RANBP17: variants seen among roughly 807,000 people sequenced by gnomAD.
RANBP17 encodes the protein ran-binding protein 17.
A neutral mutation model predicts 141.2 loss-of-function variants in RANBP17; 158 were observed. The observed-to-expected ratio is 1.12, with a 90% CI of 0.98 to 1.28. The LOEUF is 1.28. RANBP17 is among the 50% of genes most tolerant of loss of function. The pLI, the probability that RANBP17 is intolerant of heterozygous loss-of-function variation, is 0.00. For missense variants in RANBP17, 1,438 were observed against 1,290.7 expected (o/e 1.11, Z -1.75); for synonymous variants, 430 against 450.0 (o/e 0.96, Z 0.56).
chr5:170,996,527 A>C lies in RANBP17; in HGVS notation c.1710+28150A>C, dbSNP rs569513352. Among the ~76,000 whole-genome samples the C allele has an allele frequency of 1.3e-3, 199 of 152,288 alleles. No individual in the cohort carries two copies. The Middle Eastern group carries it at 0.027, about 21-fold the overall frequency. ...TGAAGAAAGTTTTCTGTTCTGGAGC[A>C]TTCTGATTTCATAGTTATGCCAAAA... On this transcript the variant is annotated intron_variant, in intron 14 of 27. Coordinates refer to ENST00000523189, the MANE Select transcript of RANBP17 (RefSeq NM_022897.5).
chr5:170,905,277 A>C (rs139637569), intron 5 of RANBP17, among the ~76,000 whole-genome samples: 71 of 152,226 alleles, frequency 4.7e-4, no homozygotes, highest in African/African-American at 1.6e-3. Context: ...ATGTGGAGTA[A>C]TTTTATAATA....
At chr5:171,067,348 T>C (rs954602076) in intron 14 of RANBP17, among the ~76,000 whole-genome samples, 5 of 152,200 alleles carry the variant, frequency 3.3e-5, no homozygotes, top group Admixed American at 2.0e-4. Flanking sequence ...CATTGTGTTC[T>C]TGTTAACATA....
At chr5:171,004,296 G>A (rs1779427060) in intron 14 of RANBP17, among the ~76,000 whole-genome samples, 2 of 152,122 alleles carry the variant, frequency 1.3e-5, no homozygotes, top group South Asian at 4.1e-4. Flanking sequence ...GAAGAAGGGT[G>A]GCAATGAGAT....
At chr5:171,249,539 A>G (rs973751937) in intron 24 of RANBP17, among the ~76,000 whole-genome samples, 1 of 152,230 alleles carries the variant, frequency 6.6e-6, no homozygotes, top group African/African-American at 2.4e-5. Flanking sequence ...AATTCAGGAT[A>G]TGAATGGGAA....
chr5:171,008,782 A>G (rs1779832884), intron 14 of RANBP17, among the ~76,000 whole-genome samples: 2 of 152,168 alleles, frequency 1.3e-5, no homozygotes, highest in Admixed American at 6.5e-5. Context: ...GCTTCAGGCC[A>G]TCTGGATGTA....
chr5:170,931,694 TTA>T (rs1773402165), intron 12 of RANBP17, among the ~76,000 whole-genome samples: 1 of 152,184 alleles, frequency 6.6e-6, no homozygotes, highest in Non-Finnish European at 1.5e-5. Context: ...TTTTGTCAGG[TTA>T]TTCAAAGATC....
At chr5:170,894,698 C>A (rs934276224) in intron 4 of RANBP17, among the ~76,000 whole-genome samples, 1 of 151,758 alleles carries the variant, frequency 6.6e-6, no homozygotes, top group African/African-American at 2.4e-5. Context: ...TATTATGGCC[C>A]TCTTGCTGCC....
chr5:170,951,063 G>GGT (rs1469371228), intron 12 of RANBP17, among the ~76,000 whole-genome samples: 1 of 152,034 alleles, frequency 6.6e-6, no homozygotes, highest in African/African-American at 2.4e-5. Flanking sequence ...AGCTGAGAAT[G>GGT]GTGTGTGGGT....
Position 171,265,665 on chromosome 5 carries a change from T to C in RANBP17, c.2777-16T>C. On this transcript the variant is annotated splice_polypyrimidine_tract_variant and intron_variant, in intron 24 of 27. Transcript: ENST00000523189. The stretch of plus-strand genomic sequence containing the variant: ...CTTAAGTAATGCAAATGAATTCTTA[T>C]TTACTATTTGTACAGATACAGTTGT... 1 of 1,567,358 alleles carries C rather than the reference T, an allele frequency of 6.4e-7. No homozygotes were observed. Among genetic ancestry groups the C allele is most frequent in the Non-Finnish European group, 8.6e-7 (1 of 1,158,396 alleles).
intron 21 of RANBP17, among the ~76,000 whole-genome samples, chr5:171,217,418 G>A (rs1159406887): frequency 6.6e-6 from 1 of 152,168 alleles, no homozygotes; most frequent in Admixed American, 6.6e-5. Context: ...GATGATGGTG[G>A]CCTCATAAAA....
chr5:171,104,719 C>T (rs1263932870), intron 14 of RANBP17, among the ~76,000 whole-genome samples: 1 of 152,168 alleles, frequency 6.6e-6, no homozygotes, highest in Non-Finnish European at 1.5e-5. Context: ...CTCTAAGCTT[C>T]ACTTTTGCCA....
At chr5:170,973,149 G>A (rs74725452) in intron 14 of RANBP17, among the ~76,000 whole-genome samples, 4,232 of 152,056 alleles carry the variant, frequency 0.028, 195 homozygotes, top group African/African-American at 0.095. Context: ...CATCTCCCCT[G>A]TAAGTTTTTA....
At chr5:171,242,943 A>T in intron 24 of RANBP17, 123 bp downstream of exon 24, 1 of 855,092 alleles carries the variant, frequency 1.2e-6, no homozygotes, top group South Asian at 1.6e-5. Flanking sequence ...AAACTGAAAG[A>T]TTATAATTAT....
chr5:171,201,034 C>G (rs1211160777), intron 19 of RANBP17, among the ~76,000 whole-genome samples: 2 of 152,264 alleles, frequency 1.3e-5, no homozygotes, highest in Admixed American at 6.5e-5. Context: ...TGCCCTTTAT[C>G]AAAAAGGAGC....
chr5:171,072,655 A>AT, intron 14 of RANBP17, among the ~76,000 whole-genome samples: 1 of 152,320 alleles, frequency 6.6e-6, no homozygotes, highest in Middle Eastern at 3.4e-3. Flanking sequence ...AGCAGCAGGC[A>AT]TTCTCATTTA....
intron 18 of RANBP17, among the ~76,000 whole-genome samples, 186 bp downstream of exon 18, chr5:171,183,616 A>G (rs190986588): frequency 1.6e-4 from 25 of 152,352 alleles, no homozygotes; most frequent in Non-Finnish European, 2.8e-4. Flanking sequence ...AAATATTTGT[A>G]CTTAAGGTGG....
chr5:171,271,368 A>C (rs886083895), intron 25 of RANBP17: 1 of 211,232 alleles, frequency 4.7e-6, no homozygotes, highest in African/African-American at 2.3e-5. Flanking sequence ...ATTTTGACAT[A>C]CTAACCAAGA....
chr5:170,945,871 C>T (rs1007570927), intron 12 of RANBP17, among the ~76,000 whole-genome samples: 2 of 152,112 alleles, frequency 1.3e-5, no homozygotes, highest in Non-Finnish European at 2.9e-5. Flanking sequence ...CATATGCAGT[C>T]TCATCTGTGA....
chr5:171,007,182 A>G (rs547414228), intron 14 of RANBP17, among the ~76,000 whole-genome samples: 1 of 152,268 alleles, frequency 6.6e-6, no homozygotes, highest in South Asian at 2.1e-4. Flanking sequence ...TCCTGTGTAT[A>G]TTTAGTGGGG....
Sources: gnomAD v4.1 joint callset for allele counts (sites outside exome capture counted in the v4.1 genomes callset) on GRCh38, gnomAD v4.1.1 for gene constraint, MANE v1.5 for transcripts, NCBI Gene and HGNC (gene_info 2026-07-23, HGNC 2026-07-21) for gene names.